FLG: variants seen among roughly 807,000 people sequenced by gnomAD.
The protein encoded by FLG is epidermal filaggrin.
FLG carries 6 observed loss-of-function variants against 3.8 expected under a neutral mutation model. The observed-to-expected ratio is 1.60, with a 90% CI of 0.87 to 3.15. The LOEUF is 3.15. FLG is among the 30% of genes most tolerant of loss of function. The pLI, the probability that FLG is intolerant of heterozygous loss-of-function variation, is 0.00. For missense variants in FLG, 7,595 were observed against 5,050.9 expected (o/e 1.50, Z -15.27); for synonymous variants, 2,551 against 1,931.6 (o/e 1.32, Z -8.41).
intron 1 of FLG, among the ~76,000 whole-genome samples, chr1:152,323,292 G>C (rs1653038815): frequency 6.6e-6 from 1 of 151,646 alleles, no homozygotes; most frequent in South Asian, 2.1e-4. Context: ...GAAAAAGACT[G>C]ATAAATTGTA....
In FLG at chr1:152,307,658, G is replaced by A. The variant is rs141651911; in HGVS notation, c.7228C>T (p.Arg2410Cys). ...TRGRSAGRSG[R>C]SGSFLYQVST... is the part of the protein sequence containing the mutation. ...ACCTGGTAGAGGAAAGACCCTGAACGTCCAGACCTTCCTGCTGACCGGCCA... is the reference window on the plus strand; with the variant it reads ...ACCTGGTAGAGGAAAGACCCTGAACATCCAGACCTTCCTGCTGACCGGCCA... The change falls in exon 3 of 3, where the codon CGT becomes TGT. Residue 2410 changes from arginine to cysteine, a missense_variant. Physicochemically the swap from Arg to Cys is radical, Grantham distance 180. Transcript: ENST00000368799. 608 of 1,613,398 alleles carry A rather than the reference G, an allele frequency of 3.8e-4. 1 individual carries two copies. The African/African-American group carries it at 6.0e-3, about 16-fold the overall frequency.
At chr1:152,320,456 GT>G (rs150378013) in intron 1 of FLG, among the ~76,000 whole-genome samples, 4,314 of 150,958 alleles carry the variant, frequency 0.029, 212 homozygotes, top group African/African-American at 0.099. Context: ...AAAGAAAGCT[GT>G]TATTATTATA....
chr1:152,315,202 A>G (rs1353828695), intron 2 of FLG, 117 bp downstream of exon 2: 1 of 1,021,876 alleles, frequency 9.8e-7, no homozygotes, highest in African/African-American at 1.6e-5. Flanking sequence ...TTGAGACAAG[A>G]TTAACTCTTT....
chr1:152,310,164 TGA>T lies in FLG; in HGVS notation c.4720_4721del (p.Ser1574ThrfsTer21), dbSNP rs764779863. 6.2e-6 allele frequency: 10 copies of T among 1,613,696 alleles called. No homozygotes were observed. The highest frequency in any genetic ancestry group is 8.5e-6 in the Non-Finnish European group (10 of 1,179,928). Reference sequence around the variant, plus strand: ...CCGCTGATTCTCCCTGGCCCACCTGTGAGTGTCTAGAGCTGCCGGCCCGAGTG... The same window carrying T: ...CCGCTGATTCTCCCTGGCCCACCTGTGTGTCTAGAGCTGCCGGCCCGAGTG... Reference protein sequence around the residue: ...PSTRAGSSRHSQVGQGESAGS... With the variant: ...PSTRAGSSRHXQVGQGESAGS... On this transcript the variant is annotated frameshift_variant, in exon 3 of 3. Transcript: ENST00000368799. LOFTEE classifies it low-confidence loss of function (END_TRUNC).
At chr1:152,318,640 G>T (rs1459468763) in intron 1 of FLG, among the ~76,000 whole-genome samples, 1 of 151,798 alleles carries the variant, frequency 6.6e-6, no homozygotes, top group African/African-American at 2.4e-5. Context: ...TCTATCTGAT[G>T]ACTTCAAAAT....
rs80353812 is a variant in FLG, at chr1:152,308,814, A to G, written c.6072T>C (p.His2024=). 258,481 of 1,585,650 alleles carry G rather than the reference A, an allele frequency of 0.16. 7 individuals carry two copies. The highest frequency in any genetic ancestry group is 0.41 in the East Asian group (18,158 of 44,382). The change falls in exon 3 of 3, where the codon CAT becomes CAC. Residue 2024 remains histidine, a synonymous_variant. Transcript: ENST00000368799. ...ADSSRHSGIG[H]GQASSAVRDS... Reference sequence around the variant, plus strand: ...CTCTGACTGCAGATGAAGCTTGTCCATGCCCAATGCCTGAGTGTCTGGAGC... The same window carrying G: ...CTCTGACTGCAGATGAAGCTTGTCCGTGCCCAATGCCTGAGTGTCTGGAGC...
chr1:152,317,949 C>A (rs1018084015), intron 1 of FLG, among the ~76,000 whole-genome samples: 1 of 152,008 alleles, frequency 6.6e-6, no homozygotes, highest in Admixed American at 6.6e-5. Flanking sequence ...TTCTTACATC[C>A]AATATCTATT....
chr1:152,314,448 TTCTCTTGGGCTCTTGGA>T lies in FLG; in HGVS notation c.421_437del (p.Ser141AsnfsTer7). ...TAGATTCATGCCTTTTCCCCCCTGT[TTCTCTTGGGCTCTTGGA>T]TCTTCCCTTATTCCCTTTTCTATTG... is the stretch of plus-strand genomic sequence containing the variant. On this transcript the variant is annotated frameshift_variant, in exon 3 of 3. Transcript: ENST00000368799. LOFTEE classifies it low-confidence loss of function (END_TRUNC). 6.2e-7 allele frequency: 1 copy of T among 1,613,826 alleles called. No homozygotes were observed. Among genetic ancestry groups the T allele is most frequent in the Non-Finnish European group, 8.5e-7 (1 of 1,179,894 alleles).
chr1:152,310,297 G>T lies in FLG; in HGVS notation c.4589C>A (p.Ala1530Asp). The change falls in exon 3 of 3, where the codon GCC becomes GAC. Residue 1530 changes from alanine to aspartate, a missense_variant. By Grantham distance (126) the Ala-to-Asp change is moderately radical. Coordinates refer to ENST00000368799, the MANE Select transcript of FLG (RefSeq NM_002016.2). ...TCTGGGTCCTGACTGCCCATGGGAGGCATCAGACCTTCCCTGGGGTGTGGT... is the reference window on the plus strand; with the variant it reads ...TCTGGGTCCTGACTGCCCATGGGAGTCATCAGACCTTCCCTGGGGTGTGGT... ...SHTTPQGRSD[A>D]SHGQSGPRSA... 2 of 1,613,822 alleles carry T rather than the reference G, an allele frequency of 1.2e-6. No homozygotes were observed. The highest frequency in any genetic ancestry group is 1.7e-6 in the Non-Finnish European group (2 of 1,179,944).
chr1:152,308,590 T>G lies in FLG; in HGVS notation c.6296A>C (p.Gln2099Pro). The change falls in exon 3 of 3, where the codon CAG becomes CCG. Residue 2099 changes from glutamine (Q) to proline (P), a missense_variant. Coordinates refer to ENST00000368799, the MANE Select transcript of FLG (RefSeq NM_002016.2). ...SFLYQVSTHE[Q>P]SESTHGQSAP... The stretch of plus-strand genomic sequence containing the variant: ...AGACTGTCCATGGGTGGACTCAGAC[T>G]GTTCATGAGTGCTCACCTGGTAGAG... 1 of 1,614,082 alleles carries G rather than the reference T, an allele frequency of 6.2e-7. No homozygotes were observed. Among genetic ancestry groups the G allele is most frequent in the Non-Finnish European group, 8.5e-7 (1 of 1,179,984 alleles).
chr1:152,312,490 G>T lies in FLG; in HGVS notation c.2396C>A (p.Thr799Asn). 6.2e-7 allele frequency: 1 copy of T among 1,613,568 alleles called. No individual in the cohort carries two copies. The highest frequency in any genetic ancestry group is 1.7e-4 in the Middle Eastern group (1 of 6,058). ...RSGSFLYQVSTHKQSESSHGW... is the reference protein window; with the variant it reads ...RSGSFLYQVSNHKQSESSHGW... ...ATGGGAGGACTCAGACTGTTTATGA[G>T]TGCTCACCTGGTAGAGGAAAGACCC... Residue 799 changes from threonine to asparagine, a missense_variant, in exon 3 of 3, where the codon ACT becomes AAT. Physicochemically the swap from Thr to Asn is moderately conservative, Grantham distance 65 (BLOSUM62 0). Coordinates refer to ENST00000368799, the MANE Select transcript of FLG (RefSeq NM_002016.2).
chr1:152,307,779 A>C lies in FLG; in HGVS notation c.7107T>G (p.Ser2369Arg). The C allele has an allele frequency of 6.2e-7, 1 of 1,612,746 alleles. No homozygotes were observed. The highest frequency in any genetic ancestry group is 8.5e-7 in the Non-Finnish European group (1 of 1,179,732). Reference sequence around the variant, plus strand: ...AGTCTTCTGAATGTCCCTCACTGTCACTGGCCTGACTACCACTGGACCCTC... The same window carrying C: ...AGTCTTCTGAATGTCCCTCACTGTCCCTGGCCTGACTACCACTGGACCCTC... Reference protein sequence around the residue: ...GHRGSSGSQASDSEGHSEDSD... With the variant: ...GHRGSSGSQARDSEGHSEDSD... Residue 2369 changes from serine to arginine, a missense_variant, in exon 3 of 3, where the codon AGT becomes AGG. Physicochemically the swap from Ser to Arg is moderately radical, Grantham distance 110. Transcript: ENST00000368799.
rs1190735231 is a variant in FLG, at chr1:152,312,580, C to G, written c.2306G>C (p.Gly769Ala). 5 of 1,613,590 alleles carry G rather than the reference C, an allele frequency of 3.1e-6. No individual in the cohort carries two copies. Among genetic ancestry groups the G allele is most frequent in the Non-Finnish European group, 3.4e-6 (4 of 1,179,952 alleles). The stretch of plus-strand genomic sequence containing the variant: ...CTCTTGGTGGCTCTGCTGATGGTGA[C>G]CAGCCTGTCCATGGCCTGACACTGA... ...TQSVSGHGQAGHHQQSHQESA... is the reference protein window; with the variant it reads ...TQSVSGHGQAAHHQQSHQESA... Residue 769 changes from glycine (G) to alanine (A), a missense_variant, in exon 3 of 3, where the codon GGT becomes GCT. Coordinates refer to ENST00000368799, the MANE Select transcript of FLG (RefSeq NM_002016.2).
At position 152,304,627 on chromosome 1, in the gene FLG, T is replaced by C. The variant is rs748621748; in HGVS notation, c.10259A>G (p.Asp3420Gly). Residue 3420 changes from aspartate to glycine, a missense_variant, in exon 3 of 3, where the codon GAC becomes GGC. Coordinates refer to ENST00000368799, the MANE Select transcript of FLG (RefSeq NM_002016.2). ...TTGGGACGCTGAGTGCCTGGAGCTGTCTCGTGCCTGCTCGTGGTGGGATCC... is the reference window on the plus strand; with the variant it reads ...TTGGGACGCTGAGTGCCTGGAGCTGCCTCGTGCCTGCTCGTGGTGGGATCC... ...RQGSHHEQAR[D>G]SSRHSASQEG... 24 of 1,612,868 alleles carry C rather than the reference T, an allele frequency of 1.5e-5. No individual in the cohort carries two copies. In the Admixed American group the frequency reaches 3.0e-4, roughly 20 times the overall value.
rs372927908 is a variant in FLG at position 152,310,949 on chromosome 1, G to A, written c.3937C>T (p.Gln1313Ter). Residue 1313 changes from glutamine (Q) to a stop codon, truncating the protein, a stop_gained, in exon 3 of 3, where the codon CAA (glutamine) becomes TAA (stop). Transcript: ENST00000368799. LOFTEE classifies it low-confidence loss of function (END_TRUNC). ...RDGSRHPGFH[Q>*]EDRASHGHSA... is the part of the protein sequence containing the mutation. ...TGCCCGTGACTGGCTCTGTCTTCTT[G>A]ATGGAACCCAGGGTGTCTGGAGCCA... is the stretch of plus-strand genomic sequence containing the variant. 1.1e-5 allele frequency: 18 copies of A among 1,613,922 alleles called. No individual in the cohort carries two copies. The highest frequency in any genetic ancestry group is 3.3e-5 in the Admixed American group (2 of 59,996).
In FLG at chr1:152,311,404, C is replaced by A; in HGVS notation, c.3482G>T (p.Gly1161Val). Residue 1161 changes from glycine (G) to valine (V), a missense_variant, in exon 3 of 3, where the codon GGT becomes GTT. By Grantham distance (109) the Gly-to-Val change is moderately radical. Transcript: ENST00000368799. ...CGGGTGTGCACGAATGGTGTCCTGA[C>A]CCTCTTGGGACGCTGAGTGCCTGGA... Reference protein sequence around the residue: ...DSSRHSASQEGQDTIRAHPGS... With the variant: ...DSSRHSASQEVQDTIRAHPGS... 6.2e-7 allele frequency: 1 copy of A among 1,613,476 alleles called. No individual in the cohort carries two copies. The highest frequency in any genetic ancestry group is 8.5e-7 in the Non-Finnish European group (1 of 1,179,908).
rs753408428 is a variant in FLG at position 152,313,919 on chromosome 1, C to A, written c.967G>T (p.Gly323Ter). ...HSGSASRNHH[G>*]SAWEQSRDGS... ...TCTCTTGACTGCTCCCACGCAGATC[C>A]ATGATGGTTTCTGGAAGCCGACCCA... The change falls in exon 3 of 3, where the codon GGA becomes TGA. Residue 323 changes from glycine to a stop codon, truncating the protein, a stop_gained. Transcript: ENST00000368799. LOFTEE classifies it low-confidence loss of function (END_TRUNC). 2.5e-6 allele frequency: 4 copies of A among 1,613,954 alleles called. No homozygotes were observed. The East Asian group carries it at 6.7e-5, about 27-fold the overall frequency.
At position 152,313,112 on chromosome 1, in the gene FLG, A is replaced by C. The variant is rs1652580887; in HGVS notation, c.1774T>G (p.Ser592Ala). 1 of 1,613,666 alleles carries C rather than the reference A, an allele frequency of 6.2e-7. No individual in the cohort carries two copies. Among genetic ancestry groups the C allele is most frequent in the Non-Finnish European group, 8.5e-7 (1 of 1,179,960 alleles). ...TGTCTAGAGCTGTCAGCCTGAGAGGAAGCTTCATGATGACGTGACCCTGAG... is the reference window on the plus strand; with the variant it reads ...TGTCTAGAGCTGTCAGCCTGAGAGGCAGCTTCATGATGACGTGACCCTGAG... Reference protein sequence around the residue: ...RHSGSRHHEASSQADSSRHSQ... With the variant: ...RHSGSRHHEAASQADSSRHSQ... Residue 592 changes from serine (S) to alanine (A), a missense_variant, in exon 3 of 3, where the codon TCC becomes GCC. Physicochemically the swap from Ser to Ala is moderately conservative, Grantham distance 99 (BLOSUM62 1). Coordinates refer to ENST00000368799, the MANE Select transcript of FLG (RefSeq NM_002016.2).
Position 152,309,446 on chromosome 1 carries a change from G to A in FLG, c.5440C>T (p.Arg1814Cys), listed in dbSNP as rs772552807. The A allele has an allele frequency of 1.1e-5, 17 of 1,613,202 alleles. No individual in the cohort carries two copies. The East Asian group carries it at 1.6e-4, about 15-fold the overall frequency. The change falls in exon 3 of 3, where the codon CGT becomes TGT. Residue 1814 changes from arginine to cysteine, a missense_variant. Coordinates refer to ENST00000368799, the MANE Select transcript of FLG (RefSeq NM_002016.2). The part of the protein sequence containing the change: ...SASQEGQDTI[R>C]GHPGSSRGGR... ...CCTCTGCTTGACCCTGGGTGTCCACGAATGGTGTCCTGACCCTCTTGGGAC... is the reference window on the plus strand; with the variant it reads ...CCTCTGCTTGACCCTGGGTGTCCACAAATGGTGTCCTGACCCTCTTGGGAC...
Sources: allele counts gnomAD v4.1 joint callset (sites outside exome capture counted in the v4.1 genomes callset), GRCh38; gene constraint gnomAD v4.1.1; transcripts MANE v1.5; gene names NCBI Gene and HGNC (gene_info 2026-07-23, HGNC 2026-07-21).